Variants in ARPP21 observed in about 807,000 individuals in gnomAD.
The protein encoded by ARPP21 is cAMP regulated phosphoprotein 21.
Under a neutral mutation model 113.2 loss-of-function variants are expected in ARPP21, and 69 were observed. The ratio of observed to expected loss-of-function variants is 0.61; its 90% CI spans 0.50 to 0.74. ARPP21 has a LOEUF of 0.74. Ranked by LOEUF, ARPP21 falls within the 30% of genes least tolerant of loss-of-function variation. ARPP21 has a pLI of 0.00. For missense variants in ARPP21, 1,070 were observed against 1,037.4 expected, an observed-to-expected ratio of 1.03 and a Z score of -0.43; for synonymous variants, 368 against 375.5, an observed-to-expected ratio of 0.98 and a Z score of 0.23.
At chr3:35,734,036 G>A (rs1337794721) in intron 15 of ARPP21, among the ~76,000 whole-genome samples, 1 of 152,174 alleles carries the variant, frequency 6.6e-6, no homozygotes, top group African/African-American at 2.4e-5. Flanking sequence ...AAGCCATACA[G>A]AAATATAGTA....
Position 35,748,067 on chromosome 3 carries a change from G to GAAGAAAGAAAGAAAGAAAGA in ARPP21, c.2137+4128_2137+4147dup, listed in dbSNP as rs71622571. Among the ~76,000 whole-genome samples, 90 of 86,944 alleles carry GAAGAAAGAAAGAAAGAAAGA rather than the reference G, an allele frequency of 1.0e-3. 1 individual carries two copies. Among genetic ancestry groups the GAAGAAAGAAAGAAAGAAAGA allele is most frequent in the East Asian group, 7.4e-3 (23 of 3,128 alleles). 57.0% of individuals were successfully genotyped at this position (86,944 alleles called of 152,430 possible). On this transcript the variant is annotated intron_variant, in intron 19 of 20. Transcript: ENST00000684406. ...GAGAGAAAGAAAAGGAAGAAGGAAGGAAGAAAGAAAGAAAGAAAGAAAGAA... is the reference window on the plus strand; with the variant it reads ...GAGAGAAAGAAAAGGAAGAAGGAAGGAAGAAAGAAAGAAAGAAAGAAAGAAAGAAAGAAAGAAAGAAAGAA...
intron 19 of ARPP21, among the ~76,000 whole-genome samples, chr3:35,789,174 T>G (rs1415899266): frequency 6.6e-6 from 1 of 152,246 alleles, no homozygotes; most frequent in East Asian, 1.9e-4. Flanking sequence ...ATTGACAAAC[T>G]GGAACACATT....
chr3:35,689,240 G>T, intron 6 of ARPP21, 67 bp from the exon 7 acceptor site: 1 of 797,204 alleles, frequency 1.3e-6, no homozygotes, highest in South Asian at 1.4e-5. Flanking sequence ...GGATAGGTTG[G>T]GGAAACCTTT....
At chr3:35,667,912 AG>A (rs1375659812) in intron 1 of ARPP21, among the ~76,000 whole-genome samples, 429 of 28,014 alleles carry the variant, frequency 0.015, 13 homozygotes, top group Middle Eastern at 0.079. Flanking sequence ...AGGAAGAGGA[AG>A]GAGGAGGAGG....
At chr3:35,685,772 CT>C in intron 5 of ARPP21, 1 of 944,228 alleles carries the variant, frequency 1.1e-6, no homozygotes, top group Non-Finnish European at 1.3e-6. Context: ...TTGAATCACT[CT>C]TTTACTGTTG....
chr3:35,719,971 A>G (rs949543510), intron 13 of ARPP21, among the ~76,000 whole-genome samples: 2 of 152,200 alleles, frequency 1.3e-5, no homozygotes, highest in Non-Finnish European at 2.9e-5. Context: ...AAGCCCTTGA[A>G]AAGGCTATTT....
At position 35,791,235 on chromosome 3, in the gene ARPP21, T is replaced by C. The variant is rs531695298; in HGVS notation, c.2138-1147T>C. ...CAATATATAGATTACTTATGAATGA[T>C]GCATGTTGATTAGCTAGTTTTTAAC... On this transcript the variant is annotated intron_variant, in intron 19 of 20. Coordinates refer to ENST00000684406, the MANE Select transcript of ARPP21 (RefSeq NM_001385562.1). Among the ~76,000 whole-genome samples the C allele has an allele frequency of 2.0e-5, 3 of 152,354 alleles. No homozygotes were observed. The South Asian group carries it at 6.2e-4, about 32-fold the overall frequency.
chr3:35,771,041 A>T (rs1057286047), intron 19 of ARPP21, among the ~76,000 whole-genome samples: 24 of 152,200 alleles, frequency 1.6e-4, no homozygotes, highest in Admixed American at 1.4e-3. Flanking sequence ...ACTGCGGAAT[A>T]GTTGGATATG....
chr3:35,651,568 A>G (rs989034872), intron 1 of ARPP21: 42 of 152,102 alleles, frequency 2.8e-4, no homozygotes, highest in Non-Finnish European at 1.5e-5. Flanking sequence ...ATAGTTGGTT[A>G]AGAAAAGAAA....
At chr3:35,715,313 T>C in intron 11 of ARPP21, 126 bp from the exon 12 acceptor site, 1 of 739,462 alleles carries the variant, frequency 1.4e-6, no homozygotes, top group Non-Finnish European at 2.4e-6. Flanking sequence ...ATTTCTATCT[T>C]TTGTACCTAT....
Position 35,651,207 on chromosome 3 carries a change from AT to A in ARPP21, c.-213+10815del, listed in dbSNP as rs1466296173. Among the ~76,000 whole-genome samples, 5 of 152,034 alleles carry A rather than the reference AT, an allele frequency of 3.3e-5. No homozygotes were observed. The East Asian group carries it at 9.7e-4, about 29-fold the overall frequency. ...CTTTTTTTAAAGAAAAAGATGCATT[AT>A]TTTTTCATTGGCAGCAAAAACAATT... is the stretch of plus-strand genomic sequence containing the variant. On this transcript the variant is annotated intron_variant, in intron 1 of 20. Transcript: ENST00000684406.
intron 17 of ARPP21, 39 bp from the exon 18 acceptor site, chr3:35,739,278 G>T (rs2094528277): frequency 6.3e-7 from 1 of 1,598,094 alleles, no homozygotes; most frequent in Non-Finnish European, 8.5e-7. Context: ...TTACCAAGCT[G>T]ATCCTGTGAA....
intron 19 of ARPP21, among the ~76,000 whole-genome samples, chr3:35,784,674 C>A (rs537140167): frequency 6.6e-6 from 1 of 152,184 alleles, no homozygotes; most frequent in Non-Finnish European, 1.5e-5. Context: ...ACCACCAGAA[C>A]AATATTATTG....
chr3:35,748,118 AAAGAAAGAAAAG>A (rs2095233348), intron 19 of ARPP21, among the ~76,000 whole-genome samples: 1 of 136,342 alleles, frequency 7.3e-6, no homozygotes, highest in Non-Finnish European at 1.6e-5. Flanking sequence ...AAGAAGAAAG[AAAGAAAGAAAAG>A]AAAGAAAGGG....
At chr3:35,710,106 A>G (rs2090557337) in intron 11 of ARPP21, among the ~76,000 whole-genome samples, 2 of 152,110 alleles carry the variant, frequency 1.3e-5, no homozygotes, top group Non-Finnish European at 2.9e-5. Flanking sequence ...TCACGTTTAT[A>G]TCCCGCCCCC....
At chr3:35,760,322 G>A (rs2151281690) in intron 19 of ARPP21, among the ~76,000 whole-genome samples, 1 of 152,164 alleles carries the variant, frequency 6.6e-6, no homozygotes, top group East Asian at 1.9e-4. Context: ...GCATTGTCTT[G>A]AAGACTGGAT....
intron 14 of ARPP21, among the ~76,000 whole-genome samples, chr3:35,727,756 T>G (rs895338999): frequency 6.6e-6 from 1 of 152,210 alleles, no homozygotes; most frequent in Non-Finnish European, 1.5e-5. Context: ...TAAATTTTAC[T>G]TAGTGTGTTT....
chr3:35,779,038 G>A (rs1350536486), intron 19 of ARPP21, among the ~76,000 whole-genome samples: 1 of 152,048 alleles, frequency 6.6e-6, no homozygotes, highest in Non-Finnish European at 1.5e-5. Context: ...TAAAAGAGAT[G>A]GTTTGATTCC....
chr3:35,717,635 AT>A (rs1197613920), intron 13 of ARPP21, among the ~76,000 whole-genome samples: 1 of 152,114 alleles, frequency 6.6e-6, no homozygotes, highest in Non-Finnish European at 1.5e-5. Context: ...ATTTTCCCAA[AT>A]TAACTTTAGT....
Sources: gnomAD v4.1 joint callset for allele counts (sites outside exome capture counted in the v4.1 genomes callset) on GRCh38, gnomAD v4.1.1 for gene constraint, MANE v1.5 for transcripts, NCBI Gene and HGNC (gene_info 2026-07-23, HGNC 2026-07-21) for gene names.